ATXN7L1: variants seen among roughly 807,000 people sequenced by gnomAD.
The protein encoded by ATXN7L1 is ataxin-7-like protein 1.
ATXN7L1 carries 15 observed loss-of-function variants against 70.8 expected under a neutral mutation model. That is an observed-to-expected ratio of 0.21 (90% CI 0.14 to 0.33). ATXN7L1 has a LOEUF of 0.33. Among genes scored for constraint, ATXN7L1 ranks in the 10% least tolerant of loss-of-function variants. The probability of loss-of-function intolerance (pLI) is 1.00; values close to 1 mark genes in which losing one functional copy is unlikely to be tolerated. For synonymous variants in ATXN7L1, 440 were observed against 445.1 expected (o/e 0.99, Z 0.14); for missense variants, 975 against 1,097.1 (o/e 0.89, Z 1.57).
intron 3 of ATXN7L1, chr7:105,678,007 G>T (rs1804967144): frequency 1.0e-6 from 1 of 985,206 alleles, no homozygotes; most frequent in African/African-American, 1.7e-5. Context: ...GTTCTCCTTG[G>T]AGTGGCAGTT....
In ATXN7L1 at chr7:105,876,415, G is replaced by A; in HGVS notation, c.144C>T (p.Ser48=). ...GTAATTTGGCGGCGTCGATCCAGGA[G>A]GACCAGGGTTTGCCCAGAAACGCCT... ...SPEAFLGKPW[S]SWIDAAKLHC... Residue 48 remains serine (S), a synonymous_variant, in exon 1 of 12, where the codon TCC becomes TCT. Coordinates refer to ENST00000419735, the MANE Select transcript of ATXN7L1 (RefSeq NM_020725.2). The A allele has an allele frequency of 1.2e-6, 2 of 1,612,392 alleles. No homozygotes were observed. Among genetic ancestry groups the A allele is most frequent in the East Asian group, 2.2e-5 (1 of 44,760 alleles).
intron 3 of ATXN7L1, among the ~76,000 whole-genome samples, chr7:105,739,017 CTT>C (rs1797718078): frequency 6.6e-6 from 1 of 152,094 alleles, no homozygotes; most frequent in African/African-American, 2.4e-5. Flanking sequence ...GGGAGGCTGA[CTT>C]TTAATAAATG....
At position 105,863,961 on chromosome 7, in the gene ATXN7L1, A is replaced by G. The variant is rs567737070; in HGVS notation, c.250+11851T>C. 1.0e-3 allele frequency among the ~76,000 whole-genome samples: 159 copies of G among 152,328 alleles called. 2 individuals are homozygous for G. The South Asian group carries it at 0.02, about 19-fold the overall frequency. The stretch of plus-strand genomic sequence containing the variant: ...CACAAACAAAAAACTCCAAAAGGAA[A>G]TACATAAGCAGCTCCCTAGAACCCC... On this transcript the variant is annotated intron_variant, in intron 2 of 11. Transcript: ENST00000419735.
chr7:105,841,015 A>G (rs1813126801), intron 2 of ATXN7L1, among the ~76,000 whole-genome samples: 1 of 152,252 alleles, frequency 6.6e-6, no homozygotes. Context: ...TAAGGCCAGG[A>G]CAGATCACTT....
chr7:105,686,935 A>G (rs1293536568), intron 3 of ATXN7L1, among the ~76,000 whole-genome samples: 1 of 152,128 alleles, frequency 6.6e-6, no homozygotes, highest in African/African-American at 2.4e-5. Context: ...AGGGGCCCAG[A>G]AGGGAAGGTA....
intron 3 of ATXN7L1, among the ~76,000 whole-genome samples, chr7:105,727,746 G>GTGTATATGTATATA (rs1333693053): frequency 1.8e-5 from 1 of 55,356 alleles, no homozygotes; most frequent in Non-Finnish European, 2.9e-5. Context: ...GTGTATGTGT[G>GTGTATATGTATATA]TATATATATA....
chr7:105,862,013 CA>C (rs905305113), intron 2 of ATXN7L1, among the ~76,000 whole-genome samples: 3 of 152,114 alleles, frequency 2.0e-5, no homozygotes, highest in Admixed American at 2.0e-4. Context: ...CCCGCTTCTG[CA>C]AAAGATGATG....
intron 3 of ATXN7L1, among the ~76,000 whole-genome samples, chr7:105,694,904 G>A (rs904752907): frequency 2.0e-5 from 3 of 152,244 alleles, no homozygotes; most frequent in Non-Finnish European, 4.4e-5. Context: ...TGTAATCCCA[G>A]CACTTTGGAA....
chr7:105,639,015 C>T (rs771544791), intron 6 of ATXN7L1, among the ~76,000 whole-genome samples: 5 of 152,120 alleles, frequency 3.3e-5, no homozygotes, highest in Non-Finnish European at 5.9e-5. Flanking sequence ...AGCAGTTCAG[C>T]ATGAAATACA....
At chr7:105,741,070 C>A (rs1797976153) in intron 3 of ATXN7L1, among the ~76,000 whole-genome samples, 1 of 152,062 alleles carries the variant, frequency 6.6e-6, no homozygotes, top group African/African-American at 2.4e-5. Context: ...GGCGGTTGCT[C>A]CATTCTTAAG....
At chr7:105,818,960 T>A (rs1380880604) in intron 2 of ATXN7L1, among the ~76,000 whole-genome samples, 3 of 151,808 alleles carry the variant, frequency 2.0e-5, no homozygotes, top group Non-Finnish European at 4.4e-5. Context: ...GGTATACATG[T>A]GCCATGTTGG....
intron 3 of ATXN7L1, among the ~76,000 whole-genome samples, chr7:105,750,754 G>T (rs1250309929): frequency 6.6e-6 from 1 of 152,156 alleles, no homozygotes; most frequent in Non-Finnish European, 1.5e-5. Context: ...AGTGAGCCAA[G>T]ATTGCGCCAT....
intron 4 of ATXN7L1, among the ~76,000 whole-genome samples, chr7:105,648,926 A>ATTT (rs59728498): frequency 0.049 from 7,382 of 152,082 alleles, 606 homozygotes; most frequent in African/African-American, 0.17. Context: ...AAACACCTCC[A>ATTT]TGTGCAGGTG....
chr7:105,745,965 A>C (rs1242918836), intron 3 of ATXN7L1, among the ~76,000 whole-genome samples: 1 of 152,156 alleles, frequency 6.6e-6, no homozygotes, highest in East Asian at 1.9e-4. Context: ...CCCAAACCAA[A>C]GGTTAGATTT....
At chr7:105,835,256 G>A (rs1585115204) in intron 2 of ATXN7L1, among the ~76,000 whole-genome samples, 1 of 147,872 alleles carries the variant, frequency 6.8e-6, no homozygotes, top group East Asian at 2.0e-4. Flanking sequence ...CCGGGCTCAG[G>A]TGATCCTCCC....
chr7:105,742,895 C>T (rs991141828), intron 3 of ATXN7L1, among the ~76,000 whole-genome samples: 2 of 152,142 alleles, frequency 1.3e-5, no homozygotes, highest in South Asian at 2.1e-4. Context: ...CTTCCCTTGA[C>T]GAGTATCTTC....
chr7:105,716,559 G>C (rs1407907280), intron 3 of ATXN7L1, among the ~76,000 whole-genome samples: 2 of 152,036 alleles, frequency 1.3e-5, no homozygotes, highest in Non-Finnish European at 2.9e-5. Flanking sequence ...TCCAGGTGTG[G>C]TGGCTCAGGC....
chr7:105,671,850 A>G (rs1803760165), intron 3 of ATXN7L1, among the ~76,000 whole-genome samples: 1 of 121,574 alleles, frequency 8.2e-6, no homozygotes, highest in Admixed American at 1.1e-4. Context: ...AGATTGTTCC[A>G]CTGCACTCCA....
rs1313485093 is a variant in ATXN7L1, at chr7:105,662,018, CTTT to C, written c.578+3045_578+3047del. Among the ~76,000 whole-genome samples the C allele has an allele frequency of 8.0e-3, 396 of 49,784 alleles. 1 individual carries two copies. Among genetic ancestry groups the C allele is most frequent in the Non-Finnish European group, 0.012 (279 of 23,708 alleles). 32.7% of individuals were successfully genotyped at this position (49,784 alleles called of 152,430 possible). On this transcript the variant is annotated intron_variant, in intron 4 of 11. Transcript: ENST00000419735. The stretch of plus-strand genomic sequence containing the variant: ...TTTCTTTAGATTCTTTCTTTTCTTT[CTTT>C]CTTTCTTTCCTTCCTTCCTTCCTTC...
Sources: gnomAD v4.1 joint callset for allele counts (sites outside exome capture counted in the v4.1 genomes callset) on GRCh38, gnomAD v4.1.1 for gene constraint, MANE v1.5 for transcripts, NCBI Gene and HGNC (gene_info 2026-07-23, HGNC 2026-07-21) for gene names.